CHST11: variants seen among roughly 807,000 people sequenced by gnomAD.
CHST11 encodes C4S-1.
In CHST11, 9 loss-of-function variants were observed where a neutral mutation model predicts 30.4. The observed-to-expected ratio is 0.30, with a 90% CI of 0.18 to 0.52. CHST11 has a LOEUF of 0.52. Ranked by LOEUF, CHST11 falls within the 20% of genes least tolerant of loss-of-function variation. The pLI, the probability that CHST11 is intolerant of heterozygous loss-of-function variation, is 0.97. For synonymous variants in CHST11, 152 were observed against 187.8 expected, an observed-to-expected ratio of 0.81 and a Z score of 1.56; for missense variants, 348 against 460.6, an observed-to-expected ratio of 0.76 and a Z score of 2.24.
intron 1 of CHST11, among the ~76,000 whole-genome samples, chr12:104,560,531 A>G (rs761501573): frequency 5.9e-5 from 9 of 152,184 alleles, no homozygotes; most frequent in Admixed American, 1.3e-4. Context: ...GGGTGGGAAG[A>G]GACGGTCATA....
At chr12:104,633,152 C>T (rs1395950088) in intron 2 of CHST11, among the ~76,000 whole-genome samples, 2 of 152,158 alleles carry the variant, frequency 1.3e-5, no homozygotes, top group African/African-American at 4.8e-5. Flanking sequence ...TGATGTTGTG[C>T]TCTCTTCTAA....
chr12:104,558,202 C>G (rs955619746), intron 1 of CHST11, among the ~76,000 whole-genome samples: 3 of 152,150 alleles, frequency 2.0e-5, no homozygotes, highest in African/African-American at 7.2e-5. Flanking sequence ...TGACGCTGTC[C>G]CTGCTGGTGG....
intron 2 of CHST11, among the ~76,000 whole-genome samples, chr12:104,656,625 C>G (rs1004498083): frequency 2.6e-5 from 4 of 152,328 alleles, no homozygotes; most frequent in African/African-American, 9.6e-5. Flanking sequence ...CCCAGACTTA[C>G]TGCGACTGGT....
intron 1 of CHST11, among the ~76,000 whole-genome samples, chr12:104,531,936 T>C (rs2038189165): frequency 6.6e-6 from 1 of 152,234 alleles, no homozygotes; most frequent in African/African-American, 2.4e-5. Flanking sequence ...TGTAAATCTT[T>C]TTTACAGTGA....
intron 2 of CHST11, among the ~76,000 whole-genome samples, chr12:104,619,900 A>C (rs1201196875): frequency 6.6e-6 from 1 of 152,208 alleles, no homozygotes; most frequent in Non-Finnish European, 1.5e-5. Context: ...ACAAGGAGGA[A>C]CTTGTAATCT....
At chr12:104,572,701 G>C (rs1277066599) in intron 1 of CHST11, among the ~76,000 whole-genome samples, 1 of 151,584 alleles carries the variant, frequency 6.6e-6, no homozygotes, top group Non-Finnish European at 1.5e-5. Flanking sequence ...AGGTTTTTTT[G>C]TGTCTCTGTC....
At chr12:104,481,702 C>T (rs3902813) in intron 1 of CHST11, among the ~76,000 whole-genome samples, 86,395 of 151,828 alleles carry the variant, frequency 0.57, 25,033 homozygotes, top group Admixed American at 0.65. Context: ...TCCAAGTGAA[C>T]AGAGTATTTA....
intron 1 of CHST11, among the ~76,000 whole-genome samples, chr12:104,502,948 T>A (rs1033582012): frequency 2.0e-5 from 3 of 152,184 alleles, no homozygotes; most frequent in Non-Finnish European, 4.4e-5. Flanking sequence ...ATTCAGTAGA[T>A]GTGGGGCAGA....
At chr12:104,487,432 T>G (rs1440602896) in intron 1 of CHST11, among the ~76,000 whole-genome samples, 3 of 152,176 alleles carry the variant, frequency 2.0e-5, no homozygotes, top group Non-Finnish European at 4.4e-5. Flanking sequence ...TGGTTAATTT[T>G]TAAACTCTTT....
At chr12:104,682,174 C>T (rs942472362) in intron 2 of CHST11, among the ~76,000 whole-genome samples, 3 of 152,108 alleles carry the variant, frequency 2.0e-5, no homozygotes, top group East Asian at 3.8e-4. Flanking sequence ...AATATTTTGA[C>T]AAATGCCGAA....
chr12:104,597,727 G>C (rs2038920218), intron 1 of CHST11, among the ~76,000 whole-genome samples: 1 of 152,226 alleles, frequency 6.6e-6, no homozygotes, highest in Admixed American at 6.5e-5. Context: ...GAATGAATGA[G>C]TGTAATGAAA....
rs1332793621 is a variant in CHST11, at chr12:104,759,033, A to G, written c.*1230A>G. The G allele has an allele frequency of 2.6e-5, 4 of 152,188 alleles. No individual in the cohort carries two copies. Among genetic ancestry groups the G allele is most frequent in the Non-Finnish European group, 5.9e-5 (4 of 68,044 alleles). 9.4% of individuals were successfully genotyped at this position (152,188 alleles called of 1,614,324 possible). On this transcript the variant is annotated 3_prime_UTR_variant, in exon 3 of 3. Coordinates refer to ENST00000303694, the MANE Select transcript of CHST11 (RefSeq NM_018413.6). ...TCCTACTGTCATCTCCATTCAGCCT[A>G]GCACCACATCCCCATGTAGAAGTGT...
intron 1 of CHST11, among the ~76,000 whole-genome samples, chr12:104,514,948 T>C (rs901925399): frequency 3.9e-5 from 6 of 152,148 alleles, no homozygotes; most frequent in African/African-American, 1.4e-4. Context: ...GAAGAACCAA[T>C]CTGTTAGGGT....
chr12:104,583,586 A>C (rs2038769691), intron 1 of CHST11, among the ~76,000 whole-genome samples: 1 of 152,150 alleles, frequency 6.6e-6, no homozygotes, highest in Admixed American at 6.5e-5. Context: ...CGATTCTGAC[A>C]CCTGCTTTTA....
intron 1 of CHST11, among the ~76,000 whole-genome samples, chr12:104,583,738 A>T (rs1202661834): frequency 7.0e-6 from 1 of 142,312 alleles, no homozygotes; most frequent in African/African-American, 3.1e-5. Flanking sequence ...TTGAGGATGG[A>T]GTCTCACTCT....
intron 1 of CHST11, among the ~76,000 whole-genome samples, chr12:104,466,280 T>TATA (rs1310696019): frequency 6.6e-6 from 1 of 152,130 alleles, no homozygotes; most frequent in Admixed American, 6.5e-5. Context: ...TAGTAGTTTA[T>TATA]ATAATAATTA....
At chr12:104,703,328 A>G (rs966796652) in intron 2 of CHST11, among the ~76,000 whole-genome samples, 3 of 152,212 alleles carry the variant, frequency 2.0e-5, no homozygotes, top group African/African-American at 7.2e-5. Context: ...CAAATTTGAC[A>G]GGTCTGAAAC....
At chr12:104,662,328 C>T (rs2039605215) in intron 2 of CHST11, among the ~76,000 whole-genome samples, 1 of 152,164 alleles carries the variant, frequency 6.6e-6, no homozygotes, top group Non-Finnish European at 1.5e-5. Context: ...ATAATTGCAA[C>T]TTTTACCTAC....
At chr12:104,581,190 C>T (rs1054094478) in intron 1 of CHST11, among the ~76,000 whole-genome samples, 2 of 152,168 alleles carry the variant, frequency 1.3e-5, no homozygotes, top group African/African-American at 4.8e-5. Context: ...GGACTTTGGA[C>T]TCTGATCCCA....
Sources: gnomAD v4.1 joint callset for allele counts (sites outside exome capture counted in the v4.1 genomes callset) on GRCh38, gnomAD v4.1.1 for gene constraint, MANE v1.5 for transcripts, NCBI Gene and HGNC (gene_info 2026-07-23, HGNC 2026-07-21) for gene names.